LYPD6B: variants seen among roughly 807,000 people sequenced by gnomAD.
LYPD6B encodes the protein LY6/PLAUR domain containing 6B, also known as ly6/PLAUR domain-containing protein 6B.
LYPD6B carries 17 observed loss-of-function variants against 22.8 expected under a neutral mutation model. That is an observed-to-expected ratio of 0.75 (90% CI 0.51 to 1.12). The LOEUF (loss-of-function observed/expected upper bound fraction) is 1.12, where lower values mean the gene tolerates loss of function less well. LYPD6B is among the 50% of genes most tolerant of loss of function. The pLI is 0.00. For synonymous variants in LYPD6B, 106 were observed against 91.6 expected, an observed-to-expected ratio of 1.16 and a Z score of -0.90; for missense variants, 221 against 258.3, an observed-to-expected ratio of 0.86 and a Z score of 0.99.
At chr2:149,153,066 T>G (rs1388656273) in intron 2 of LYPD6B, among the ~76,000 whole-genome samples, 1 of 152,114 alleles carries the variant, frequency 6.6e-6, no homozygotes, top group Non-Finnish European at 1.5e-5. Flanking sequence ...CTGTTAAATT[T>G]TAAAAGGAGG....
intron 3 of LYPD6B, among the ~76,000 whole-genome samples, chr2:149,175,177 C>T (rs1322231035): frequency 6.6e-6 from 1 of 151,912 alleles, no homozygotes; most frequent in East Asian, 1.9e-4. Context: ...AGTGCACTCA[C>T]ACAAACCTAG....
intron 1 of LYPD6B, among the ~76,000 whole-genome samples, chr2:149,059,862 ATGGTT>A (rs1022352508): frequency 1.3e-5 from 2 of 152,184 alleles, no homozygotes; most frequent in African/African-American, 2.4e-5. Flanking sequence ...GGGACAGGAA[ATGGTT>A]CCTTCAGAAG....
intron 3 of LYPD6B, among the ~76,000 whole-genome samples, chr2:149,162,866 A>G (rs1255227981): frequency 6.6e-6 from 1 of 152,070 alleles, no homozygotes; most frequent in Non-Finnish European, 1.5e-5. Flanking sequence ...GTATGGTTAG[A>G]GAGCCTTAAG....
chr2:149,050,809 G>A (rs1683516272), intron 1 of LYPD6B, among the ~76,000 whole-genome samples: 1 of 152,190 alleles, frequency 6.6e-6, no homozygotes, highest in South Asian at 2.1e-4. Context: ...CGGAGCTACA[G>A]TTGTAGTGAT....
chr2:149,214,995 T>C lies in LYPD6B; in HGVS notation c.*285T>C. 2.4e-6 allele frequency: 1 copy of C among 419,282 alleles called. No homozygotes were observed. Among genetic ancestry groups the C allele is most frequent in the East Asian group, 4.0e-5 (1 of 24,850 alleles). 26.0% of individuals were successfully genotyped at this position (419,282 alleles called of 1,614,324 possible). A position where few individuals can be genotyped will look rare whatever the true frequency, so the allele number is the denominator to read the frequency against. On this transcript the variant is annotated 3_prime_UTR_variant, in exon 7 of 7. Coordinates refer to ENST00000409642, the MANE Select transcript of LYPD6B (RefSeq NM_177964.5). Reference sequence around the variant, plus strand: ...CTGCAGAGAGGATCCTGGCAACTAGTCCCACCTGACTAGGCCTTTAGCTGA... The same window carrying C: ...CTGCAGAGAGGATCCTGGCAACTAGCCCCACCTGACTAGGCCTTTAGCTGA...
intron 2 of LYPD6B, among the ~76,000 whole-genome samples, chr2:149,146,591 A>G (rs1689040424): frequency 6.6e-6 from 1 of 152,198 alleles, no homozygotes; most frequent in Admixed American, 6.5e-5. Context: ...GATAAGTATT[A>G]TAATCAGGTT....
At chr2:149,041,086 A>G (rs7599935) in intron 1 of LYPD6B, among the ~76,000 whole-genome samples, 144,279 of 146,276 alleles carry the variant, frequency 0.99, 71,195 homozygotes, top group East Asian at 1. Context: ...GCAGCAGAGC[A>G]AGACTCCGTC....
At chr2:149,060,064 T>C (rs1684003737) in intron 1 of LYPD6B, among the ~76,000 whole-genome samples, 1 of 152,076 alleles carries the variant, frequency 6.6e-6, no homozygotes. Context: ...GACAGGATAA[T>C]CAGGCACTGA....
intron 3 of LYPD6B, among the ~76,000 whole-genome samples, chr2:149,191,076 C>A (rs549146852): frequency 6.6e-6 from 1 of 151,990 alleles, no homozygotes; most frequent in South Asian, 2.1e-4. Flanking sequence ...ACAATAGACC[C>A]CAGCTACCCA....
At chr2:149,121,808 C>T (rs1181559810) in intron 1 of LYPD6B, among the ~76,000 whole-genome samples, 1 of 152,154 alleles carries the variant, frequency 6.6e-6, no homozygotes, top group African/African-American at 2.4e-5. Context: ...TTGGAGGGAA[C>T]ACCTCAACCT....
At chr2:149,043,690 T>C (rs985118815) in intron 1 of LYPD6B, among the ~76,000 whole-genome samples, 9 of 152,188 alleles carry the variant, frequency 5.9e-5, no homozygotes, top group African/African-American at 1.9e-4. Flanking sequence ...TATTGTTGTA[T>C]TGAGGAATTC....
chr2:149,161,969 G>A (rs557006059), intron 3 of LYPD6B, among the ~76,000 whole-genome samples: 15 of 152,146 alleles, frequency 9.9e-5, no homozygotes, highest in African/African-American at 3.6e-4. Context: ...TCTTTTCCCC[G>A]GGGCATATTG....
At position 149,081,075 on chromosome 2, in the gene LYPD6B, G is replaced by C. The variant is rs536821555; in HGVS notation, c.-67+42274G>C. Among the ~76,000 whole-genome samples, 3 of 152,234 alleles carry C rather than the reference G, an allele frequency of 2.0e-5. No individual in the cohort carries two copies. In the East Asian group the frequency reaches 5.8e-4, roughly 29 times the overall value. On this transcript the variant is annotated intron_variant, in intron 1 of 6. Coordinates refer to ENST00000409642, the MANE Select transcript of LYPD6B (RefSeq NM_177964.5). ...TGGAAAGGTGACTGGATCTGGGCCTGGTGCTGTAAACAGATGCAGACAGTT... is the reference window on the plus strand; with the variant it reads ...TGGAAAGGTGACTGGATCTGGGCCTCGTGCTGTAAACAGATGCAGACAGTT...
rs1245768575 is a variant in LYPD6B at position 149,175,476 on chromosome 2, A to G, written c.77+14641A>G. 2.6e-5 allele frequency among the ~76,000 whole-genome samples: 4 copies of G among 152,260 alleles called. No individual in the cohort carries two copies. The East Asian group carries it at 7.7e-4, about 29-fold the overall frequency. On this transcript the variant is annotated intron_variant, in intron 3 of 6. Transcript: ENST00000409642. The stretch of plus-strand genomic sequence containing the variant: ...GTAAGTGAATGTGAAGGCCTGGGAC[A>G]TTACTGTAGACTTTAAAAACACTAT...
chr2:149,121,888 G>T (rs1392778966), intron 1 of LYPD6B, among the ~76,000 whole-genome samples: 1 of 152,166 alleles, frequency 6.6e-6, no homozygotes, highest in Admixed American at 6.5e-5. Context: ...AAGTCACCTG[G>T]CACAGGACCC....
chr2:149,043,063 A>G (rs1406967259), intron 1 of LYPD6B, among the ~76,000 whole-genome samples: 1 of 152,194 alleles, frequency 6.6e-6, no homozygotes, highest in Non-Finnish European at 1.5e-5. Flanking sequence ...CATTTCTTTC[A>G]TCATTATGTT....
intron 1 of LYPD6B, among the ~76,000 whole-genome samples, chr2:149,056,201 G>C (rs1558971275): frequency 6.6e-6 from 1 of 152,176 alleles, no homozygotes; most frequent in East Asian, 1.9e-4. Context: ...TCAATATTTT[G>C]AATAAAATTT....
intron 1 of LYPD6B, among the ~76,000 whole-genome samples, chr2:149,125,129 C>T (rs2105643956): frequency 6.6e-6 from 1 of 152,208 alleles, no homozygotes; most frequent in Non-Finnish European, 1.5e-5. Context: ...TGCCTCATTT[C>T]CGCCATCCCA....
chr2:149,058,110 G>A (rs1178515316), intron 1 of LYPD6B, among the ~76,000 whole-genome samples: 1 of 152,148 alleles, frequency 6.6e-6, no homozygotes, highest in Non-Finnish European at 1.5e-5. Context: ...GACCTTGGAT[G>A]AGTTACCTTG....
Sources: gnomAD v4.1 joint callset for allele counts (sites outside exome capture counted in the v4.1 genomes callset) on GRCh38, gnomAD v4.1.1 for gene constraint, MANE v1.5 for transcripts, NCBI Gene and HGNC (gene_info 2026-07-23, HGNC 2026-07-21) for gene names.